The following SUGCT variants were observed in gnomAD, a reference collection of about 807,000 sequenced individuals.
SUGCT encodes succinyl-CoA:glutarate-CoA transferase.
SUGCT carries 41 observed loss-of-function variants against 55.0 expected under a neutral mutation model. The observed-to-expected ratio is 0.74, with a 90% CI of 0.58 to 0.97. SUGCT has a LOEUF of 0.97. SUGCT is among the 50% of genes least tolerant of loss of function. The probability of loss-of-function intolerance (pLI) is 0.00; values close to 1 mark genes in which losing one functional copy is unlikely to be tolerated. For missense variants in SUGCT, 568 were observed against 547.8 expected, an observed-to-expected ratio of 1.04 and a Z score of -0.37; for synonymous variants, 187 against 200.4, an observed-to-expected ratio of 0.93 and a Z score of 0.56.
intron 13 of SUGCT, among the ~76,000 whole-genome samples, chr7:40,787,018 A>T (rs2128742356): frequency 6.6e-6 from 1 of 152,332 alleles, no homozygotes; most frequent in African/African-American, 2.4e-5. Context: ...TCACAAATGC[A>T]GTCTGTCTTG....
chr7:40,144,139 A>G (rs1373608078), intron 1 of SUGCT, among the ~76,000 whole-genome samples: 1 of 152,194 alleles, frequency 6.6e-6, no homozygotes, highest in African/African-American at 2.4e-5. Context: ...CCCTGGATTA[A>G]GTGGTCTCAA....
the SUGCT span, chr7:40,967,083 G>C: frequency 6.6e-6 from 1 of 152,152 alleles, no homozygotes; most frequent in Non-Finnish European, 1.5e-5. Context: ...CTGAGTTCAA[G>C]TCTGTAAAGC....
rs57586466 is a variant in SUGCT, at chr7:40,843,508, C to CAAAAAAAAAAAAAAAAA, written c.1154-16797_1154-16796insAAAAAAAAAAAAAAAAA. Among the ~76,000 whole-genome samples the CAAAAAAAAAAAAAAAAA allele has an allele frequency of 2.2e-4, 28 of 127,806 alleles. 1 individual carries two copies. Among genetic ancestry groups the CAAAAAAAAAAAAAAAAA allele is most frequent in the African/African-American group, 2.8e-4 (10 of 35,496 alleles). 83.8% of individuals were successfully genotyped at this position (127,806 alleles called of 152,430 possible). On this transcript the variant is annotated intron_variant, in intron 13 of 13. Transcript: ENST00000335693. ...CTAGCAACAGAGAGAGACTCTGTCT[C>CAAAAAAAAAAAAAAAAA]AAAAAAAAAAAGTTGAAGTGAGTCA...
intron 11 of SUGCT, among the ~76,000 whole-genome samples, chr7:40,487,101 T>TG (rs1353337686): frequency 2.9e-4 from 42 of 144,982 alleles, no homozygotes; most frequent in African/African-American, 1.1e-3. Context: ...TTTTTTTTTT[T>TG]GACACAGAGT....
At position 40,191,565 on chromosome 7, in the gene SUGCT, A is replaced by G. The variant is rs1785912250; in HGVS notation, c.363+1971A>G. 2.0e-5 allele frequency among the ~76,000 whole-genome samples: 3 copies of G among 152,126 alleles called. No homozygotes were observed. The South Asian group carries it at 6.2e-4, about 32-fold the overall frequency. ...TCTTCCCATATCTTTCCTGTAGCAT[A>G]ACTTAGGTTTGTTTCTGTTTTTCTT... On this transcript the variant is annotated intron_variant, in intron 5 of 13. Transcript: ENST00000335693.
chr7:40,680,025 T>C lies in SUGCT; in HGVS notation c.1090-69409T>C, dbSNP rs146270201. Among the ~76,000 whole-genome samples the C allele has an allele frequency of 2.6e-3, 392 of 152,304 alleles. 1 individual carries two copies. The highest frequency in any genetic ancestry group is 9.2e-3 in the African/African-American group (381 of 41,572). On this transcript the variant is annotated intron_variant, in intron 12 of 13. Coordinates refer to ENST00000335693, the MANE Select transcript of SUGCT (RefSeq NM_001193313.2). ...TTAAATGGTTAGATGAAAGAAAATG[T>C]AATGTCATATTTTGGACCCTTCAGC...
chr7:40,216,365 TG>T (rs1257143839), intron 6 of SUGCT, among the ~76,000 whole-genome samples: 1 of 151,172 alleles, frequency 6.6e-6, no homozygotes, highest in Non-Finnish European at 1.5e-5. Flanking sequence ...GCTGGCATAA[TG>T]GCAGGTGCCT....
At chr7:40,415,685 GA>G (rs1441101997) in intron 9 of SUGCT, among the ~76,000 whole-genome samples, 1 of 151,918 alleles carries the variant, frequency 6.6e-6, no homozygotes, top group Non-Finnish European at 1.5e-5. Flanking sequence ...AACATGATGT[GA>G]AATAATGACT....
Position 40,859,925 on chromosome 7 carries a change from G to C in SUGCT, c.1154-391G>C, listed in dbSNP as rs1170904740. On this transcript the variant is annotated intron_variant, in intron 13 of 13. Coordinates refer to ENST00000335693, the MANE Select transcript of SUGCT (RefSeq NM_001193313.2). ...CAGCTGCTGGGTTGCTTTCACCTGG[G>C]ATCAAATTTCCAGCTTCAGAGAGAC... Among the ~76,000 whole-genome samples the C allele has an allele frequency of 2.6e-5, 4 of 152,150 alleles. No individual in the cohort carries two copies. In the East Asian group the frequency reaches 7.7e-4, roughly 29 times the overall value.
the SUGCT span, among the ~76,000 whole-genome samples, chr7:40,898,596 C>A: frequency 3.4e-5 from 5 of 147,430 alleles, no homozygotes; most frequent in South Asian, 4.3e-4. Context: ...AGGTGGTGGG[C>A]GCTTGTAGTC....
intron 13 of SUGCT, among the ~76,000 whole-genome samples, chr7:40,800,794 A>C (rs949266459): frequency 2.0e-5 from 3 of 152,230 alleles, no homozygotes; most frequent in Non-Finnish European, 4.4e-5. Flanking sequence ...AATAATAATC[A>C]TAAAGTGTCT....
At chr7:40,861,410 A>G (rs571564672), downstream of SUGCT, among the ~76,000 whole-genome samples, 5 of 152,320 alleles carry the variant, frequency 3.3e-5, no homozygotes, top group East Asian at 7.7e-4. Flanking sequence ...TATAAAGTAT[A>G]AAAAACACCT....
chr7:40,230,061 A>G (rs1788631360), intron 6 of SUGCT, among the ~76,000 whole-genome samples: 1 of 152,172 alleles, frequency 6.6e-6, no homozygotes, highest in South Asian at 2.1e-4. Flanking sequence ...TAACAATGGT[A>G]TTACTTTTAA....
At chr7:40,616,692 G>T (rs908344487) in intron 12 of SUGCT, among the ~76,000 whole-genome samples, 4 of 152,190 alleles carry the variant, frequency 2.6e-5, no homozygotes, top group Non-Finnish European at 5.9e-5. Flanking sequence ...GACTCTGAAG[G>T]TGGCCATAAG....
intron 13 of SUGCT, among the ~76,000 whole-genome samples, chr7:40,750,896 T>C (rs1787980762): frequency 6.6e-6 from 1 of 152,216 alleles, no homozygotes; most frequent in Non-Finnish European, 1.5e-5. Flanking sequence ...GAGTATATAC[T>C]ATGTGCCAGG....
intron 1 of SUGCT, among the ~76,000 whole-genome samples, chr7:40,155,762 T>C (rs551716757): frequency 6.6e-6 from 1 of 152,236 alleles, no homozygotes; most frequent in South Asian, 2.1e-4. Flanking sequence ...TTAATGCAAG[T>C]AAGGGTAACA....
chr7:40,242,296 C>T (rs933655181), intron 7 of SUGCT, among the ~76,000 whole-genome samples: 1 of 151,972 alleles, frequency 6.6e-6, no homozygotes, highest in African/African-American at 2.4e-5. Context: ...GCCTTAGCCT[C>T]CCCAGTAGCT....
chr7:40,954,829 G>A, the SUGCT span, among the ~76,000 whole-genome samples: 1 of 152,142 alleles, frequency 6.6e-6, no homozygotes, highest in Non-Finnish European at 1.5e-5. Flanking sequence ...GTGTAAGGAA[G>A]GGGTCCATTT....
chr7:40,383,371 T>A (rs779597660), intron 9 of SUGCT, among the ~76,000 whole-genome samples: 2 of 152,232 alleles, frequency 1.3e-5, no homozygotes, highest in Non-Finnish European at 2.9e-5. Flanking sequence ...AGTAGCACTA[T>A]GTTTTATGAT....
Sources: allele counts gnomAD v4.1 joint callset (sites outside exome capture counted in the v4.1 genomes callset), GRCh38; gene constraint gnomAD v4.1.1; transcripts MANE v1.5; gene names NCBI Gene and HGNC (gene_info 2026-07-23, HGNC 2026-07-21).